The following DLG2 variants were observed in gnomAD, a reference collection of about 807,000 sequenced individuals.
The protein encoded by DLG2 is discs large MAGUK scaffold protein 2.
DLG2 carries 45 observed loss-of-function variants against 132.5 expected under a neutral mutation model. That is an observed-to-expected ratio of 0.34 (90% CI 0.27 to 0.44). The LOEUF (loss-of-function observed/expected upper bound fraction) is 0.44. DLG2 is among the 20% of genes least tolerant of loss of function. The pLI, the probability that DLG2 is intolerant of heterozygous loss-of-function variation, is 1.00. For synonymous variants in DLG2, 424 were observed against 419.6 expected (o/e 1.01, Z -0.13); for missense variants, 1,045 against 1,196.9 (o/e 0.87, Z 1.87).
At chr11:84,773,172 A>C (rs777909968) in intron 6 of DLG2, among the ~76,000 whole-genome samples, 7 of 152,224 alleles carry the variant, frequency 4.6e-5, no homozygotes, top group Non-Finnish European at 1.0e-4. Flanking sequence ...AAAAACTAGA[A>C]AATCTAAAGG....
At chr11:84,194,632 C>T (rs2096481077) in intron 8 of DLG2, among the ~76,000 whole-genome samples, 1 of 152,182 alleles carries the variant, frequency 6.6e-6, no homozygotes, top group Admixed American at 6.5e-5. Flanking sequence ...TTTACAATCC[C>T]TGAGCTAGAC....
At chr11:84,833,117 T>C (rs1057050423) in intron 6 of DLG2, among the ~76,000 whole-genome samples, 6 of 151,608 alleles carry the variant, frequency 4.0e-5, no homozygotes, top group African/African-American at 1.2e-4. Context: ...AAGAAGGTAA[T>C]TGAAAGCCTT....
intron 6 of DLG2, among the ~76,000 whole-genome samples, chr11:84,571,527 G>A (rs2099484891): frequency 6.6e-6 from 1 of 151,910 alleles, no homozygotes; most frequent in South Asian, 2.1e-4. Context: ...CTTCTTCTTG[G>A]TGTTTTGACA....
intron 3 of DLG2, among the ~76,000 whole-genome samples, chr11:85,341,385 G>T (rs1014528201): frequency 6.6e-6 from 1 of 152,322 alleles, no homozygotes; most frequent in East Asian, 1.9e-4. Context: ...CTCCCAAAGT[G>T]CTGGGATTAC....
At position 83,472,750 on chromosome 11, in the gene DLG2, T is replaced by A; in HGVS notation, c.2321A>T (p.Tyr774Phe). 6.2e-7 allele frequency: 1 copy of A among 1,612,060 alleles called. No homozygotes were observed. The highest frequency in any genetic ancestry group is 1.1e-5 in the South Asian group (1 of 90,906). Residue 774 changes from tyrosine (Y) to phenylalanine (F), a missense_variant, in exon 23 of 28, where the codon TAT becomes TTT. Physicochemically the swap from Tyr to Phe is conservative, Grantham distance 22. This residue lies in a region of DLG2 where 398 missense variants were observed against 543.6 expected (regional missense o/e 0.73). Transcript: ENST00000376104. The stretch of plus-strand genomic sequence containing the variant: ...ACTTTCCTGCCTTGTAACAGGCTCA[T>A]AGGAAAGAATGAGGTCTTCTTGTCC... ...ERGQEDLILS[Y>F]EPVTRQEINY...
intron 6 of DLG2, among the ~76,000 whole-genome samples, chr11:84,787,690 G>T (rs1354003745): frequency 6.6e-6 from 1 of 152,056 alleles, no homozygotes. Context: ...TTCTATCTGA[G>T]TTCCTGCACA....
At chr11:85,044,090 C>T (rs1029175267) in intron 6 of DLG2, among the ~76,000 whole-genome samples, 4 of 151,972 alleles carry the variant, frequency 2.6e-5, no homozygotes, top group Non-Finnish European at 5.9e-5. Context: ...CATGCACATG[C>T]TGTTACTTTG....
intron 19 of DLG2, among the ~76,000 whole-genome samples, chr11:83,555,617 ATT>A (rs10714552): frequency 4.0e-5 from 6 of 151,652 alleles, no homozygotes; most frequent in African/African-American, 7.3e-5. Context: ...AGAATATATC[ATT>A]TTTTTTTCTT....
rs1474732080 is a variant in DLG2, at chr11:84,517,437, A to AT, written c.519+17132_519+17133insA. On this transcript the variant is annotated intron_variant, in intron 7 of 27. Coordinates refer to ENST00000376104, the MANE Select transcript of DLG2 (RefSeq NM_001142699.3). ...TCATCAGGGAAATGCAAGTAAAAAAACAATGAGATATCATCTCACACTTAT... is the reference window on the plus strand; with the variant it reads ...TCATCAGGGAAATGCAAGTAAAAAAATCAATGAGATATCATCTCACACTTAT... Among the ~76,000 whole-genome samples, 3 of 151,982 alleles carry AT rather than the reference A, an allele frequency of 2.0e-5. No individual in the cohort carries two copies. The East Asian group carries it at 5.8e-4, about 29-fold the overall frequency.
intron 7 of DLG2, among the ~76,000 whole-genome samples, chr11:84,282,135 A>G (rs1279129857): frequency 6.6e-6 from 1 of 152,220 alleles, no homozygotes; most frequent in African/African-American, 2.4e-5. Flanking sequence ...AATAGATTAA[A>G]CAATTGTGGT....
chr11:84,959,821 T>C (rs1036808837), intron 6 of DLG2, among the ~76,000 whole-genome samples: 3 of 152,030 alleles, frequency 2.0e-5, no homozygotes, highest in Non-Finnish European at 2.9e-5. Flanking sequence ...AAGATATGAG[T>C]TGGATGTTCT....
chr11:84,476,922 G>C (rs905083524), intron 7 of DLG2, among the ~76,000 whole-genome samples: 1 of 152,128 alleles, frequency 6.6e-6, no homozygotes, highest in Non-Finnish European at 1.5e-5. Flanking sequence ...GGCCACAGAA[G>C]CATGAGAGAT....
At chr11:85,270,100 AC>A (rs200747093) in intron 4 of DLG2, among the ~76,000 whole-genome samples, 3,017 of 152,256 alleles carry the variant, frequency 0.02, 59 homozygotes, top group Admixed American at 0.037. Context: ...ATATATGAAT[AC>A]ATATTGGTAC....
intron 18 of DLG2, among the ~76,000 whole-genome samples, chr11:83,727,995 A>T (rs2090331132): frequency 6.6e-6 from 1 of 152,210 alleles, no homozygotes; most frequent in Non-Finnish European, 1.5e-5. Context: ...GGTTAGTGGT[A>T]TCACAATTGT....
At chr11:85,411,426 T>C (rs148313707) in intron 3 of DLG2, among the ~76,000 whole-genome samples, 76 of 151,974 alleles carry the variant, frequency 5.0e-4, no homozygotes, top group African/African-American at 1.5e-3. Context: ...AGTTGGGATA[T>C]TGAATTCTCA....
At chr11:84,422,246 G>C (rs2098953331) in intron 7 of DLG2, among the ~76,000 whole-genome samples, 1 of 152,180 alleles carries the variant, frequency 6.6e-6, no homozygotes, top group Non-Finnish European at 1.5e-5. Flanking sequence ...ACTGTATGCA[G>C]CACTGTTATG....
chr11:83,461,205 T>A (rs2089926417), intron 27 of DLG2, among the ~76,000 whole-genome samples: 1 of 151,980 alleles, frequency 6.6e-6, no homozygotes, highest in Admixed American at 6.6e-5. Context: ...AGACGGGGGT[T>A]TCACTATGTT....
rs909884863 is a variant in DLG2, at chr11:85,484,440, G to A, written c.40+114217C>T. Among the ~76,000 whole-genome samples, 7 of 150,454 alleles carry A rather than the reference G, an allele frequency of 4.7e-5. 1 individual carries two copies. Among genetic ancestry groups the A allele is most frequent in the South Asian group, 4.2e-4 (2 of 4,736 alleles). On this transcript the variant is annotated intron_variant, in intron 3 of 27. Transcript: ENST00000376104. ...ACCTACAAAATGGGAGAAAATATTC[G>A]CAACCTACTCATCTGACAAAGGGCT...
intron 2 of DLG2, among the ~76,000 whole-genome samples, chr11:85,623,172 A>G (rs1195887335): frequency 6.6e-6 from 1 of 152,184 alleles, no homozygotes; most frequent in East Asian, 1.9e-4. Context: ...AGTACATGAT[A>G]AAAATGTTTA....
Sources: gnomAD v4.1 joint callset for allele counts (sites outside exome capture counted in the v4.1 genomes callset) on GRCh38, gnomAD v4.1.1 for gene constraint, gnomAD v4.1.1 regional missense constraint, MANE v1.5 for transcripts, NCBI Gene and HGNC (gene_info 2026-07-23, HGNC 2026-07-21) for gene names.